Variants in PBX1 observed in about 807,000 individuals in gnomAD.
The protein encoded by PBX1 is pre-B-cell leukemia transcription factor 1.
A neutral mutation model predicts 53.4 loss-of-function variants in PBX1; 6 were observed. That is an observed-to-expected ratio of 0.11 (90% CI 0.06 to 0.22). The LOEUF (loss-of-function observed/expected upper bound fraction) is 0.22. Ranked by LOEUF, PBX1 falls within the 10% of genes least tolerant of loss-of-function variation. The pLI is 1.00. For missense variants in PBX1, 251 were observed against 551.4 expected (o/e 0.46, Z 5.46); for synonymous variants, 204 against 212.3 (o/e 0.96, Z 0.34).
intron 1 of PBX1, 122 bp downstream of exon 1, chr1:164,560,135 A>G (rs1652924271): frequency 1.3e-6 from 1 of 762,142 alleles, no homozygotes; most frequent in Non-Finnish European, 2.0e-6. Context: ...TTCTTTTCTC[A>G]TTTTGACAAG....
At chr1:164,670,750 A>T (rs974608534) in intron 2 of PBX1, among the ~76,000 whole-genome samples, 4 of 152,208 alleles carry the variant, frequency 2.6e-5, no homozygotes, top group South Asian at 2.1e-4. Context: ...GAGGAAAAAG[A>T]AAGTGATAGG....
intron 8 of PBX1, among the ~76,000 whole-genome samples, chr1:164,833,425 C>T (rs1054557422): frequency 6.6e-6 from 1 of 152,076 alleles, no homozygotes; most frequent in Non-Finnish European, 1.5e-5. Context: ...GGGGCAAAGA[C>T]GTTTTCAATC....
chr1:164,729,933 C>T (rs1478918883), intron 2 of PBX1, among the ~76,000 whole-genome samples: 2 of 152,150 alleles, frequency 1.3e-5, no homozygotes, highest in Non-Finnish European at 2.9e-5. Context: ...TTAATCTTCC[C>T]AATAATTTGA....
chr1:164,681,502 T>G (rs1174294720), intron 2 of PBX1, among the ~76,000 whole-genome samples: 2 of 152,198 alleles, frequency 1.3e-5, no homozygotes, highest in Non-Finnish European at 2.9e-5. Context: ...TAGCCTCCTC[T>G]TAGAGATACA....
At chr1:164,775,645 C>T (rs12410837) in intron 2 of PBX1, among the ~76,000 whole-genome samples, 1 of 152,088 alleles carries the variant, frequency 6.6e-6, no homozygotes, top group Non-Finnish European at 1.5e-5. Flanking sequence ...GTGATGTTGG[C>T]GTGATTTATG....
rs898820083 is a variant in PBX1 at position 164,574,947 on chromosome 1, A to G, written c.265+11636A>G. Among the ~76,000 whole-genome samples the G allele has an allele frequency of 5.3e-5, 8 of 151,020 alleles. 1 individual carries two copies. The highest frequency in any genetic ancestry group is 4.6e-4 in the Admixed American group (7 of 15,134). On this transcript the variant is annotated intron_variant, in intron 2 of 8. Coordinates refer to ENST00000420696, the MANE Select transcript of PBX1 (RefSeq NM_002585.4). ...CAGTGAGCCGAGATTGCGCCTTTACACTCCAGCCTGGGCAACAGAGTGAGA... is the reference window on the plus strand; with the variant it reads ...CAGTGAGCCGAGATTGCGCCTTTACGCTCCAGCCTGGGCAACAGAGTGAGA...
intron 2 of PBX1, chr1:164,590,469 G>A (rs764736912): frequency 2.2e-6 from 1 of 455,884 alleles, no homozygotes; most frequent in South Asian, 1.5e-5. Context: ...TGAATAATGG[G>A]GCCTAAACTG....
Position 164,630,818 on chromosome 1 carries a change from A to G in PBX1, c.265+67507A>G, listed in dbSNP as rs16833381. Reference sequence around the variant, plus strand: ...GCAATCTTTGGATCTTTGCCTTGATAATGTGCTTAATCATTCCCTTCACAG... The same window carrying G: ...GCAATCTTTGGATCTTTGCCTTGATGATGTGCTTAATCATTCCCTTCACAG... On this transcript the variant is annotated intron_variant, in intron 2 of 8. Transcript: ENST00000420696. Among the ~76,000 whole-genome samples, 1,090 of 152,318 alleles carry G rather than the reference A, an allele frequency of 7.2e-3. 18 individuals carry two copies. The highest frequency in any genetic ancestry group is 0.025 in the African/African-American group (1,045 of 41,558).
chr1:164,747,900 T>G lies in PBX1; in HGVS notation c.266-44594T>G, dbSNP rs183265026. Among the ~76,000 whole-genome samples, 1,048 of 152,170 alleles carry G rather than the reference T, an allele frequency of 6.9e-3. 6 individuals are homozygous for G. The highest frequency in any genetic ancestry group is 9.8e-3 in the Admixed American group (149 of 15,276). ...GAGCTAGAAGATAAAGGTTTACAAATTAGAACAGCAACATTTTTTAATCCA... is the reference window on the plus strand; with the variant it reads ...GAGCTAGAAGATAAAGGTTTACAAAGTAGAACAGCAACATTTTTTAATCCA... On this transcript the variant is annotated intron_variant, in intron 2 of 8. Coordinates refer to ENST00000420696, the MANE Select transcript of PBX1 (RefSeq NM_002585.4).
intron 2 of PBX1, among the ~76,000 whole-genome samples, chr1:164,776,978 A>AGG (rs1553244688): frequency 2.2e-5 from 1 of 46,442 alleles, no homozygotes; most frequent in African/African-American, 1.2e-4. Context: ...AGAGAGAGAG[A>AGG]GGAGGTGTGG....
chr1:164,822,592 G>A (rs994930340), intron 8 of PBX1, among the ~76,000 whole-genome samples: 1 of 152,168 alleles, frequency 6.6e-6, no homozygotes, highest in Admixed American at 6.5e-5. Flanking sequence ...CTTCAACTGC[G>A]TTGGTCAAGT....
intron 2 of PBX1, among the ~76,000 whole-genome samples, chr1:164,628,340 T>G (rs1658183527): frequency 6.6e-6 from 1 of 152,174 alleles, no homozygotes; most frequent in Non-Finnish European, 1.5e-5. Flanking sequence ...GTCCCCTATC[T>G]CCTGCTCTGG....
At chr1:164,594,356 A>G (rs574957552) in intron 2 of PBX1, among the ~76,000 whole-genome samples, 34 of 152,260 alleles carry the variant, frequency 2.2e-4, no homozygotes, top group South Asian at 1.7e-3. Context: ...GTGCAATGGC[A>G]TGATCTCGGC....
chr1:164,798,118 CCCAGG>C (rs1668876929), intron 3 of PBX1, among the ~76,000 whole-genome samples: 1 of 152,226 alleles, frequency 6.6e-6, no homozygotes, highest in Non-Finnish European at 1.5e-5. Context: ...GGGTCAAAAA[CCCAGG>C]CCTCCCATTC....
chr1:164,626,028 C>A, intron 2 of PBX1: 2 of 1,041,892 alleles, frequency 1.9e-6, no homozygotes, highest in Non-Finnish European at 2.3e-6. Flanking sequence ...TCTGCTTCTA[C>A]CTCCGGGAAC....
At position 164,849,399 on chromosome 1, in the gene PBX1, G is replaced by A. The variant is rs573595757; in HGVS notation, c.*2723G>A. The A allele has an allele frequency of 1.5e-5, 23 of 1,535,388 alleles. No homozygotes were observed. The highest frequency in any genetic ancestry group is 1.1e-4 in the African/African-American group (8 of 73,006). On this transcript the variant is annotated 3_prime_UTR_variant, in exon 9 of 9. Transcript: ENST00000420696. Reference sequence around the variant, plus strand: ...ACTTCCGACTTCCAACGTGGCATCCGTGAGATCTGTCCACATTAGGCGAAG... The same window carrying A: ...ACTTCCGACTTCCAACGTGGCATCCATGAGATCTGTCCACATTAGGCGAAG...
chr1:164,788,892 A>G (rs1309176259), intron 2 of PBX1, among the ~76,000 whole-genome samples: 1 of 151,914 alleles, frequency 6.6e-6, no homozygotes, highest in African/African-American at 2.4e-5. Flanking sequence ...ATCAATTTCT[A>G]ATTGGCCACA....
At chr1:164,845,331 A>ATTTC (rs776450837) in intron 8 of PBX1, among the ~76,000 whole-genome samples, 7,313 of 152,176 alleles carry the variant, frequency 0.048, 205 homozygotes, top group East Asian at 0.072. Flanking sequence ...TGGGAACGGC[A>ATTTC]TACTCCAGGT....
intron 2 of PBX1, among the ~76,000 whole-genome samples, chr1:164,600,149 AC>A (rs142835637): frequency 0.43 from 65,095 of 151,406 alleles, 14,257 homozygotes; most frequent in East Asian, 0.63. Context: ...TAAATGGGAT[AC>A]TTGAGTCAGG....
Sources: allele counts gnomAD v4.1 joint callset (sites outside exome capture counted in the v4.1 genomes callset), GRCh38; gene constraint gnomAD v4.1.1; transcripts MANE v1.5; gene names NCBI Gene and HGNC (gene_info 2026-07-23, HGNC 2026-07-21).